PTCD3: variants seen among roughly 807,000 people sequenced by gnomAD.
PTCD3 encodes pentatricopeptide repeat domain 3.
A neutral mutation model predicts 101.9 loss-of-function variants in PTCD3; 89 were observed. That is an observed-to-expected ratio of 0.87 (90% CI 0.74 to 1.04). The LOEUF (loss-of-function observed/expected upper bound fraction) is 1.04, where lower values mean the gene tolerates loss of function less well. PTCD3 is among the 50% of genes least tolerant of loss of function. The probability of loss-of-function intolerance (pLI) is 0.00; values close to 1 mark genes in which losing one functional copy is unlikely to be tolerated. For synonymous variants in PTCD3, 296 were observed against 278.5 expected (o/e 1.06, Z -0.63); for missense variants, 870 against 828.2 (o/e 1.05, Z -0.62).
chr2:86,132,039 T>A (rs1387773012), intron 16 of PTCD3, among the ~76,000 whole-genome samples: 2 of 152,248 alleles, frequency 1.3e-5, no homozygotes, highest in East Asian at 3.8e-4. Flanking sequence ...AGATTTTTAC[T>A]AGTCCAGACT....
chr2:86,137,136 CA>C lies in PTCD3; in HGVS notation c.1979del (p.Lys660ArgfsTer4). On this transcript the variant is annotated frameshift_variant, in exon 23 of 24. Transcript: ENST00000254630. LOFTEE classifies it low-confidence loss of function (END_TRUNC). ...GAGTGATTTTGCAATCAACCAGGAA[CA>C]AAAGTAAGTGGTCACCATGAAGCAT... ...VMSDFAINQE[Q>X]KEALSNLTAL... The C allele has an allele frequency of 6.3e-7, 1 of 1,581,632 alleles. No homozygotes were observed. The highest frequency in any genetic ancestry group is 8.6e-7 in the Non-Finnish European group (1 of 1,165,146).
chr2:86,133,852 G>A (rs1275157360), intron 19 of PTCD3, among the ~76,000 whole-genome samples: 3 of 152,170 alleles, frequency 2.0e-5, no homozygotes, highest in Non-Finnish European at 4.4e-5. Flanking sequence ...TGAGCATCAC[G>A]CATCACGGGT....
intron 12 of PTCD3, among the ~76,000 whole-genome samples, chr2:86,126,481 A>G (rs1490684964): frequency 5.3e-5 from 8 of 152,150 alleles, no homozygotes; most frequent in Admixed American, 2.6e-4. Flanking sequence ...TTTGCTGTCA[A>G]ATCCTATCAG....
Position 86,119,004 on chromosome 2 carries a change from C to T in PTCD3, c.498C>T (p.Val166=). 1 of 1,614,088 alleles carries T rather than the reference C, an allele frequency of 6.2e-7. No homozygotes were observed. Among genetic ancestry groups the T allele is most frequent in the Non-Finnish European group, 8.5e-7 (1 of 1,180,016 alleles). ...AGGAACGAATTGAGCTCAGAAAAGT[C>T]AAAGCCTCTGTGGACATGTTTGATC... ...ALKERIELRK[V]KASVDMFDQL... The change falls in exon 7 of 24, where the codon GTC becomes GTT. Residue 166 remains valine (V), a synonymous_variant. Coordinates refer to ENST00000254630, the MANE Select transcript of PTCD3 (RefSeq NM_017952.6).
chr2:86,112,327 A>G (rs566678259), intron 4 of PTCD3, among the ~76,000 whole-genome samples: 20 of 147,278 alleles, frequency 1.4e-4, no homozygotes, highest in African/African-American at 4.2e-4. Context: ...AAGTGCTGGG[A>G]TTACAGATGT....
intron 11 of PTCD3, 99 bp from the exon 12 acceptor site, chr2:86,125,696 A>G: frequency 1.9e-6 from 2 of 1,061,358 alleles, no homozygotes; most frequent in Non-Finnish European, 2.8e-6. Context: ...TGGACATGTG[A>G]TTAGTCAAGG....
At chr2:86,115,333 C>T (rs557029805) in intron 4 of PTCD3, among the ~76,000 whole-genome samples, 2 of 152,304 alleles carry the variant, frequency 1.3e-5, no homozygotes, top group East Asian at 1.9e-4. Flanking sequence ...CAGTCTCTGT[C>T]GTCTCCCACT....
chr2:86,125,316 A>T, intron 10 of PTCD3, 139 bp from the exon 11 acceptor site: 1 of 1,083,112 alleles, frequency 9.2e-7, no homozygotes, highest in Non-Finnish European at 1.3e-6. Flanking sequence ...AGAAAATCCC[A>T]CTGCACTAGA....
chr2:86,132,488 GA>G, intron 17 of PTCD3, 64 bp downstream of exon 17: 1 of 1,163,772 alleles, frequency 8.6e-7, no homozygotes, highest in South Asian at 1.3e-5. Context: ...GGAGGCTGTT[GA>G]TGTCCCTTCA....
intron 8 of PTCD3, among the ~76,000 whole-genome samples, chr2:86,122,304 T>A (rs946574039): frequency 8.5e-5 from 13 of 152,218 alleles, no homozygotes; most frequent in Non-Finnish European, 1.6e-4. Context: ...AAAAATGTTT[T>A]TACAAATGCA....
At chr2:86,125,405 G>T in intron 10 of PTCD3, 50 bp from the exon 11 acceptor site, 1 of 1,543,460 alleles carries the variant, frequency 6.5e-7, no homozygotes. Context: ...AAATGTGCAA[G>T]GACTTCTTAA....
intron 8 of PTCD3, 147 bp downstream of exon 8, chr2:86,121,741 T>A: frequency 1.9e-6 from 1 of 524,212 alleles, no homozygotes; most frequent in South Asian, 2.9e-5. Flanking sequence ...TGATAAAAAG[T>A]GGTATAGGAG....
chr2:86,137,438 A>G, intron 23 of PTCD3, 31 bp from the exon 24 acceptor site: 2 of 1,613,026 alleles, frequency 1.2e-6, no homozygotes, highest in East Asian at 4.5e-5. Context: ...GTTGAATTGC[A>G]GTGTAATCCT....
At position 86,125,840 on chromosome 2, in the gene PTCD3, C is replaced by T. The variant is rs371088606; in HGVS notation, c.911C>T (p.Ala304Val). 2.0e-5 allele frequency: 32 copies of T among 1,608,378 alleles called. No individual in the cohort carries two copies. The highest frequency in any genetic ancestry group is 1.1e-4 in the African/African-American group (8 of 74,764). The change falls in exon 12 of 24, where the codon GCG becomes GTG. Residue 304 changes from alanine (A) to valine (V), a missense_variant. Transcript: ENST00000254630. ...GCATTGATTGAAGCAACAGTATGTG[C>T]GATAAATGAGAAATTTGAGGAAAAA... ...FNALIEATVCAINEKFEEKWS... is the reference protein window; with the variant it reads ...FNALIEATVCVINEKFEEKWS...
chr2:86,106,284 C>A lies in PTCD3; in HGVS notation c.37C>A (p.Arg13Ser), dbSNP rs777263353. The part of the protein sequence containing the change: ...VVSAVRWLGL[R>S]SRLGQPLTGR... ...ATCTGCTGTTCGCTGGCTGGGCCTC[C>A]GCAGCAGGCTTGGCCAGCCGCTGAC... Residue 13 changes from arginine to serine, a missense_variant, in exon 1 of 24, where the codon CGC becomes AGC. Coordinates refer to ENST00000254630, the MANE Select transcript of PTCD3 (RefSeq NM_017952.6). 6.2e-7 allele frequency: 1 copy of A among 1,613,700 alleles called. No homozygotes were observed. Among genetic ancestry groups the A allele is most frequent in the African/African-American group, 1.3e-5 (1 of 75,042 alleles).
intron 16 of PTCD3, 25 bp from the exon 17 acceptor site, chr2:86,132,293 A>T (rs531447793): frequency 7.1e-7 from 1 of 1,402,858 alleles, no homozygotes; most frequent in South Asian, 1.2e-5. Flanking sequence ...TATCAGAGTG[A>T]TACTTACTAC....
At chr2:86,122,715 T>C (rs1674311898) in intron 8 of PTCD3, among the ~76,000 whole-genome samples, 1 of 152,184 alleles carries the variant, frequency 6.6e-6, no homozygotes, top group Non-Finnish European at 1.5e-5. Flanking sequence ...CCTGGCCAAA[T>C]GTGGATTATT....
chr2:86,106,502 G>A, intron 1 of PTCD3, 151 bp downstream of exon 1: 1 of 693,790 alleles, frequency 1.4e-6, no homozygotes, highest in Non-Finnish European at 2.4e-6. Context: ...ACGCGGAGGT[G>A]GCCCTTTGAA....
chr2:86,109,573 G>C (rs1674037545), intron 3 of PTCD3, among the ~76,000 whole-genome samples: 1 of 152,236 alleles, frequency 6.6e-6, no homozygotes, highest in South Asian at 2.1e-4. Flanking sequence ...TTGGCAGAGA[G>C]AGGATTTGAA....
Sources: gnomAD v4.1 joint callset for allele counts (sites outside exome capture counted in the v4.1 genomes callset) on GRCh38, gnomAD v4.1.1 for gene constraint, MANE v1.5 for transcripts, NCBI Gene and HGNC (gene_info 2026-07-23, HGNC 2026-07-21) for gene names.